The following SLC38A1 variants were observed in gnomAD, a reference collection of about 807,000 sequenced individuals.
The protein encoded by SLC38A1 is solute carrier family 38 member 1, also known as sodium-coupled neutral amino acid symporter 1.
Under a neutral mutation model 60.3 loss-of-function variants are expected in SLC38A1, and 18 were observed. That is an observed-to-expected ratio of 0.30 (90% CI 0.21 to 0.44). The LOEUF is 0.44. Among genes scored for constraint, SLC38A1 ranks in the 20% least tolerant of loss-of-function variants. The probability of loss-of-function intolerance (pLI) is 1.00; values close to 1 mark genes in which losing one functional copy is unlikely to be tolerated. For synonymous variants in SLC38A1, 196 were observed against 212.1 expected, an observed-to-expected ratio of 0.92 and a Z score of 0.66; for missense variants, 448 against 587.2, an observed-to-expected ratio of 0.76 and a Z score of 2.45.
intron 12 of SLC38A1, among the ~76,000 whole-genome samples, chr12:46,202,650 T>C (rs1354968838): frequency 6.6e-6 from 1 of 152,212 alleles, no homozygotes; most frequent in Admixed American, 6.5e-5. Context: ...AGTTTACAGA[T>C]AAATCTGAAG....
chr12:46,218,136 G>C (rs774078203), intron 5 of SLC38A1, among the ~76,000 whole-genome samples: 4 of 152,196 alleles, frequency 2.6e-5, no homozygotes, highest in Non-Finnish European at 4.4e-5. Context: ...CAGTGAGAAA[G>C]AGCGCCATGT....
chr12:46,219,629 C>T (rs1940570938), intron 5 of SLC38A1, among the ~76,000 whole-genome samples: 1 of 152,202 alleles, frequency 6.6e-6, no homozygotes. Context: ...CCAACTACCA[C>T]TCTGTGAGTA....
chr12:46,253,387 T>C (rs1440829734), intron 1 of SLC38A1, among the ~76,000 whole-genome samples: 2 of 152,212 alleles, frequency 1.3e-5, no homozygotes, highest in Non-Finnish European at 2.9e-5. Flanking sequence ...CCCATTTTTA[T>C]GGTTATTTGT....
chr12:46,226,027 C>T (rs1257316590), intron 5 of SLC38A1, among the ~76,000 whole-genome samples: 1 of 152,112 alleles, frequency 6.6e-6, no homozygotes, highest in African/African-American at 2.4e-5. Flanking sequence ...AAAAACATAA[C>T]ATAATCAAAG....
At position 46,255,807 on chromosome 12, in the gene SLC38A1, T is replaced by C. The variant is rs143513083; in HGVS notation, c.-208-12493A>G. ...TACGGGGTGTGGCTAACTCCACATG[T>C]CCCTGGCCTTATCTAGAATCTAATG... On this transcript the variant is annotated intron_variant, in intron 1 of 16. Transcript: ENST00000398637. 5.4e-3 allele frequency among the ~76,000 whole-genome samples: 822 copies of C among 152,318 alleles called. 4 individuals carry two copies. The highest frequency in any genetic ancestry group is 9.3e-3 in the Non-Finnish European group (631 of 68,038).
intron 5 of SLC38A1, among the ~76,000 whole-genome samples, chr12:46,219,822 G>T (rs1163982841): frequency 6.6e-6 from 1 of 152,168 alleles, no homozygotes; most frequent in Non-Finnish European, 1.5e-5. Context: ...TCTGTTGCAG[G>T]CTAAGAAAAA....
intron 5 of SLC38A1, among the ~76,000 whole-genome samples, chr12:46,210,854 C>T (rs1940132860): frequency 6.6e-6 from 1 of 152,094 alleles, no homozygotes; most frequent in African/African-American, 2.4e-5. Context: ...TATAAATTAC[C>T]CAGTCTCAGG....
chr12:46,229,576 C>G lies in SLC38A1; in HGVS notation c.186G>C (p.Lys62Asn), dbSNP rs1048211145. Reference sequence around the variant, plus strand: ...TAATGATACTTACATACTCATCACACTTCTTTTTTTCCAAATGGCTGTTTG... The same window carrying G: ...TAATGATACTTACATACTCATCACAGTTCTTTTTTTCCAAATGGCTGTTTG... ...SLTNSHLEKKKCDEYIPGTTS... is the reference protein window; with the variant it reads ...SLTNSHLEKKNCDEYIPGTTS... The change falls in exon 4 of 17, where the codon AAG becomes AAC. Residue 62 changes from lysine to asparagine, a missense_variant. Lys to Asn is a moderately conservative substitution (Grantham distance 94). Coordinates refer to ENST00000398637, the MANE Select transcript of SLC38A1 (RefSeq NM_030674.4). The G allele has an allele frequency of 1.9e-6, 3 of 1,612,070 alleles. No individual in the cohort carries two copies. Among genetic ancestry groups the G allele is most frequent in the Non-Finnish European group, 2.5e-6 (3 of 1,178,532 alleles).
At chr12:46,206,605 A>G (rs1325053282) in intron 8 of SLC38A1, among the ~76,000 whole-genome samples, 1 of 152,172 alleles carries the variant, frequency 6.6e-6, no homozygotes. Flanking sequence ...GAATCCTGAG[A>G]ACACTAGAGA....
intron 5 of SLC38A1, among the ~76,000 whole-genome samples, chr12:46,218,019 G>C (rs897930927): frequency 4.6e-5 from 7 of 152,162 alleles, no homozygotes; most frequent in African/African-American, 1.7e-4. Context: ...ATCCTCAAAA[G>C]AAAGAGGAAT....
At chr12:46,201,679 C>T (rs1017941450) in intron 12 of SLC38A1, among the ~76,000 whole-genome samples, 2 of 151,930 alleles carry the variant, frequency 1.3e-5, no homozygotes, top group Non-Finnish European at 1.5e-5. Flanking sequence ...TGTAGGTCTC[C>T]AGCGCAGCAA....
intron 16 of SLC38A1, among the ~76,000 whole-genome samples, chr12:46,192,175 C>T (rs1939172144): frequency 6.6e-6 from 1 of 152,202 alleles, no homozygotes; most frequent in Non-Finnish European, 1.5e-5. Flanking sequence ...GCCTTTTCTG[C>T]ATCTATTGAG....
chr12:46,207,474 G>T, intron 7 of SLC38A1, 55 bp downstream of exon 7: 1 of 1,476,370 alleles, frequency 6.8e-7, no homozygotes, highest in Non-Finnish European at 9.5e-7. Context: ...TCATGTGGCC[G>T]CTCATCCACC....
Position 46,198,605 on chromosome 12 carries a change from G to C in SLC38A1, c.1122+20C>G, listed in dbSNP as rs1939495822. 1 of 1,529,010 alleles carries C rather than the reference G, an allele frequency of 6.5e-7. No individual in the cohort carries two copies. The highest frequency in any genetic ancestry group is 1.4e-5 in the African/African-American group (1 of 72,272). 94.7% of individuals were successfully genotyped at this position (1,529,010 alleles called of 1,614,324 possible). On this transcript the variant is annotated intron_variant, in intron 14 of 16. Coordinates refer to ENST00000398637, the MANE Select transcript of SLC38A1 (RefSeq NM_030674.4). ...CCGAGACCTCAGCTTTTCTCATATT[G>C]CACAGAGGCCCTTACTCACCGTGAA...
rs1940968720 is a variant in SLC38A1, at chr12:46,229,007, G to C, written c.314+146C>G. 1.2e-5 allele frequency: 6 copies of C among 484,590 alleles called. No individual in the cohort carries two copies. In the Admixed American group the frequency reaches 2.2e-4, roughly 18 times the overall value. 30.0% of individuals were successfully genotyped at this position (484,590 alleles called of 1,614,324 possible). Reference sequence around the variant, plus strand: ...AGGTACAGTTTGGAAAATCACTCAAGCAATAAATATCAAAGTATGTACTTG... The same window carrying C: ...AGGTACAGTTTGGAAAATCACTCAACCAATAAATATCAAAGTATGTACTTG... On this transcript the variant is annotated intron_variant, in intron 5 of 16. Transcript: ENST00000398637.
At chr12:46,255,911 C>A (rs577006975) in intron 1 of SLC38A1, among the ~76,000 whole-genome samples, 1 of 152,146 alleles carries the variant, frequency 6.6e-6, no homozygotes, top group Admixed American at 6.5e-5. Flanking sequence ...AGCCTGTAAT[C>A]CCACCACTTT....
intron 1 of SLC38A1, among the ~76,000 whole-genome samples, chr12:46,245,905 T>C (rs1565789102): frequency 2.0e-5 from 3 of 152,254 alleles, no homozygotes; most frequent in Admixed American, 6.5e-5. Flanking sequence ...TCCTTCTCTT[T>C]TTTAATTTAG....
intron 11 of SLC38A1, 128 bp downstream of exon 11, chr12:46,204,173 C>A (rs1051181332): frequency 4.3e-6 from 3 of 696,928 alleles, no homozygotes; most frequent in Non-Finnish European, 7.8e-6. Flanking sequence ...GATGTGTAAT[C>A]TGGAAGCAAT....
chr12:46,194,714 C>T (rs1299938980), intron 16 of SLC38A1, among the ~76,000 whole-genome samples: 4 of 152,136 alleles, frequency 2.6e-5, no homozygotes, highest in African/African-American at 7.2e-5. Flanking sequence ...TCCACTTGAT[C>T]GAATCGGCTA....
Sources: allele counts gnomAD v4.1 joint callset (sites outside exome capture counted in the v4.1 genomes callset), GRCh38; gene constraint gnomAD v4.1.1; transcripts MANE v1.5; gene names NCBI Gene and HGNC (gene_info 2026-07-23, HGNC 2026-07-21).